Variants in ALG6 observed in about 807,000 individuals in gnomAD.
ALG6 encodes the protein ALG6 alpha-1,3-glucosyltransferase, also known as dolichyl pyrophosphate Man9GlcNAc2 alpha-1,3-glucosyltransferase.
A neutral mutation model predicts 66.6 loss-of-function variants in ALG6; 46 were observed. The observed-to-expected ratio is 0.69, with a 90% CI of 0.55 to 0.88. ALG6 has a LOEUF of 0.88. ALG6 is among the 40% of genes least tolerant of loss of function. The pLI is 0.00. For missense variants in ALG6, 505 were observed against 586.8 expected (o/e 0.86, Z 1.44); for synonymous variants, 185 against 203.7 (o/e 0.91, Z 0.78).
intron 1 of ALG6, among the ~76,000 whole-genome samples, chr1:63,368,090 G>A (rs1229925484): frequency 6.6e-6 from 1 of 152,180 alleles, no homozygotes; most frequent in Non-Finnish European, 1.5e-5. Flanking sequence ...GTTCTGGGAT[G>A]GGGACGGCGG....
chr1:63,415,904 G>A lies in ALG6; in HGVS notation c.934G>A (p.Ala312Thr), dbSNP rs768618152. Reference sequence around the variant, plus strand: ...TTCTACGTTTTTGAGCCTGCTTCCTGCATGCATAAAATTAATACTTCAGCC... The same window carrying A: ...TTCTACGTTTTTGAGCCTGCTTCCTACATGCATAAAATTAATACTTCAGCC... ...FCSTFLSLLP[A>T]CIKLILQPSS... The change falls in exon 11 of 15, where the codon GCA (alanine) becomes ACA (threonine). Residue 312 changes from alanine to threonine, a missense_variant. Physicochemically the swap from Ala to Thr is moderately conservative, Grantham distance 58. Coordinates refer to ENST00000263440, the MANE Select transcript of ALG6 (RefSeq NM_013339.4). 5 of 1,611,660 alleles carry A rather than the reference G, an allele frequency of 3.1e-6. No individual in the cohort carries two copies. Among genetic ancestry groups the A allele is most frequent in the Non-Finnish European group, 4.2e-6 (5 of 1,178,338 alleles).
rs1644514646 is a variant in ALG6, at chr1:63,411,285, T to G, written c.634T>G (p.Cys212Gly). ...ACTTTACCACGCCTTGCCATTTTTT[T>G]GCTTTTTACTTGGCAAGTGTTTTAA... ...MELYHALPFF[C>G]FLLGKCFKKG... is the part of the protein sequence containing the mutation. Residue 212 changes from cysteine (C) to glycine (G), a missense_variant, in exon 8 of 15, where the codon TGC becomes GGC. Transcript: ENST00000263440. 8.7e-6 allele frequency: 14 copies of G among 1,613,808 alleles called. No individual in the cohort carries two copies. In the Admixed American group the frequency reaches 1.2e-4, roughly 13 times the overall value.
chr1:63,387,532 C>CTCTTTTTT (rs780187352), intron 2 of ALG6, among the ~76,000 whole-genome samples: 1 of 59,476 alleles, frequency 1.7e-5, no homozygotes, highest in Admixed American at 2.7e-4. Context: ...TTGTCTTTCT[C>CTCTTTTTT]TTTTTTTTTT....
rs112305695 is a variant in ALG6, at chr1:63,400,942, G to A, written c.168-1312G>A. ...TGATATAATTGGTGCCTGTCTTCAG[G>A]TATCTCTGTCTAGAAAAGTGGGTCC... On this transcript the variant is annotated intron_variant, in intron 3 of 14. Coordinates refer to ENST00000263440, the MANE Select transcript of ALG6 (RefSeq NM_013339.4). 2.8e-3 allele frequency among the ~76,000 whole-genome samples: 422 copies of A among 152,266 alleles called. 4 individuals carry two copies. Among genetic ancestry groups the A allele is most frequent in the African/African-American group, 9.3e-3 (387 of 41,542 alleles).
At chr1:63,428,683 T>C in intron 12 of ALG6, 50 bp from the exon 13 acceptor site, 1 of 1,297,240 alleles carries the variant, frequency 7.7e-7, no homozygotes, top group South Asian at 1.3e-5. Flanking sequence ...CAATTAGGAG[T>C]TGAAGTTATA....
intron 4 of ALG6, among the ~76,000 whole-genome samples, chr1:63,403,984 A>C (rs1570062623): frequency 1.3e-5 from 2 of 152,194 alleles, no homozygotes; most frequent in East Asian, 3.8e-4. Flanking sequence ...TATTCAGGGT[A>C]ATTGTAATAT....
intron 2 of ALG6, among the ~76,000 whole-genome samples, chr1:63,383,545 A>G (rs1254068153): frequency 6.6e-6 from 1 of 152,168 alleles, no homozygotes; most frequent in Non-Finnish European, 1.5e-5. Flanking sequence ...CCTTACAGGT[A>G]GCCAGGACTA....
chr1:63,414,083 G>T lies in ALG6; in HGVS notation c.839G>T (p.Cys280Phe). The T allele has an allele frequency of 6.2e-7, 1 of 1,612,474 alleles. No homozygotes were observed. Among genetic ancestry groups the T allele is most frequent in the Non-Finnish European group, 8.5e-7 (1 of 1,178,818 alleles). ...AAGGATAAAGTAGCCAATATTTGGT[G>T]CAGCTTCAATGTCTTTCTGAAGATT... ...LFEDKVANIW[C>F]SFNVFLKIKD... The change falls in exon 10 of 15, where the codon TGC becomes TTC. Residue 280 changes from cysteine (C) to phenylalanine (F), a missense_variant. By Grantham distance (205) the Cys-to-Phe change is radical. Transcript: ENST00000263440.
intron 2 of ALG6, among the ~76,000 whole-genome samples, chr1:63,375,677 C>G (rs535015163): frequency 6.6e-6 from 1 of 152,118 alleles, no homozygotes; most frequent in East Asian, 1.9e-4. Flanking sequence ...AGTATGTAAG[C>G]TTGGAATTGT....
chr1:63,396,850 A>G (rs919598139), intron 3 of ALG6, among the ~76,000 whole-genome samples: 18 of 152,226 alleles, frequency 1.2e-4, no homozygotes, highest in South Asian at 6.2e-4. Context: ...CTGAATGTCT[A>G]TATGTCCTCT....
In ALG6 at chr1:63,422,246, T is replaced by TATAA. The variant is rs1557594985; in HGVS notation, c.1058+2809_1058+2810insAATA. On this transcript the variant is annotated intron_variant, in intron 12 of 14. Coordinates refer to ENST00000263440, the MANE Select transcript of ALG6 (RefSeq NM_013339.4). Reference sequence around the variant, plus strand: ...ATATAAATATAAATATATATATAAATATATATATTTATATAGATATAAATA... The same window carrying TATAA: ...ATATAAATATAAATATATATATAAATATAAATATATATTTATATAGATATAAATA... Among the ~76,000 whole-genome samples, 453 of 48,764 alleles carry TATAA rather than the reference T, an allele frequency of 9.3e-3. 5 individuals are homozygous for TATAA. The highest frequency in any genetic ancestry group is 0.019 in the South Asian group (26 of 1,344). 32.0% of individuals were successfully genotyped at this position (48,764 alleles called of 152,430 possible).
At chr1:63,422,142 TATATAA>T (rs1281441672) in intron 12 of ALG6, among the ~76,000 whole-genome samples, 3 of 56,104 alleles carry the variant, frequency 5.3e-5, no homozygotes, top group African/African-American at 7.1e-5. Flanking sequence ...TATATAAATA[TATATAA>T]ATATAAATAT....
intron 2 of ALG6, among the ~76,000 whole-genome samples, chr1:63,385,720 G>T (rs1648483551): frequency 6.6e-6 from 1 of 152,074 alleles, no homozygotes. Flanking sequence ...TTTTTTTATG[G>T]TGTTTTAAGG....
intron 2 of ALG6, among the ~76,000 whole-genome samples, chr1:63,386,250 A>C (rs12122729): frequency 0.16 from 24,366 of 151,784 alleles, 2,336 homozygotes; most frequent in South Asian, 0.23. Flanking sequence ...ATCAATGTTC[A>C]TCAGGGATAT....
chr1:63,389,503 G>A (rs574964747), intron 2 of ALG6, among the ~76,000 whole-genome samples: 1 of 152,134 alleles, frequency 6.6e-6, no homozygotes, highest in South Asian at 2.1e-4. Context: ...AATTTTTTGA[G>A]TTTCTTCAAA....
chr1:63,435,410 G>T (rs1447324399), intron 14 of ALG6, among the ~76,000 whole-genome samples: 1 of 152,090 alleles, frequency 6.6e-6, no homozygotes, highest in East Asian at 1.9e-4. Flanking sequence ...GTTTGTATCT[G>T]CTTGTAAGCT....
At chr1:63,385,588 A>G (rs918838419) in intron 2 of ALG6, among the ~76,000 whole-genome samples, 1 of 152,032 alleles carries the variant, frequency 6.6e-6, no homozygotes, top group Admixed American at 6.6e-5. Context: ...GGCTATTGTA[A>G]ATGAGATTTT....
At chr1:63,383,408 G>A (rs987130099) in intron 2 of ALG6, among the ~76,000 whole-genome samples, 6 of 151,976 alleles carry the variant, frequency 3.9e-5, no homozygotes, top group African/African-American at 7.2e-5. Flanking sequence ...ATGAGGTACC[G>A]TGCCTGGCCA....
intron 2 of ALG6, among the ~76,000 whole-genome samples, chr1:63,391,254 CAT>C (rs1648665824): frequency 6.6e-6 from 1 of 152,118 alleles, no homozygotes; most frequent in African/African-American, 2.4e-5. Flanking sequence ...AAGACAAAAA[CAT>C]AACGCATTTA....
Sources: allele counts gnomAD v4.1 joint callset (sites outside exome capture counted in the v4.1 genomes callset), GRCh38; gene constraint gnomAD v4.1.1; transcripts MANE v1.5; gene names NCBI Gene and HGNC (gene_info 2026-07-23, HGNC 2026-07-21).